Variants in ZBTB2 observed in about 807,000 individuals in gnomAD.
ZBTB2 encodes zinc finger and BTB domain containing 2.
ZBTB2 carries 2 observed loss-of-function variants against 39.5 expected under a neutral mutation model. That is an observed-to-expected ratio of 0.05 (90% CI 0.02 to 0.16). The LOEUF (loss-of-function observed/expected upper bound fraction) is 0.16, where lower values mean the gene tolerates loss of function less well. ZBTB2 is among the 10% of genes least tolerant of loss of function. ZBTB2 has a pLI of 1.00. For synonymous variants in ZBTB2, 251 were observed against 256.6 expected (o/e 0.98, Z 0.21); for missense variants, 391 against 653.0 (o/e 0.60, Z 4.37).
At position 151,385,881 on chromosome 6, in the gene ZBTB2, G is replaced by C. The variant is rs75492694; in HGVS notation, c.-13+5539C>G. ...AAACTGTATTTTGAAGGTAGAAAAT[G>C]CATCTTATTTAGTTGTGATAATGGA... On this transcript the variant is annotated intron_variant, in intron 1 of 2. Transcript: ENST00000325144. Among the ~76,000 whole-genome samples, 386 of 152,220 alleles carry C rather than the reference G, an allele frequency of 2.5e-3. 3 individuals are homozygous for C. The East Asian group carries it at 0.045, about 18-fold the overall frequency.
intron 1 of ZBTB2, among the ~76,000 whole-genome samples, chr6:151,374,059 G>C (rs901011282): frequency 6.6e-6 from 1 of 152,074 alleles, no homozygotes; most frequent in African/African-American, 2.4e-5. Context: ...AATGCAAATG[G>C]AGTCTTTTAG....
intron 1 of ZBTB2, among the ~76,000 whole-genome samples, chr6:151,379,637 GAAAAAAAAAA>G (rs61085296): frequency 1.5e-5 from 1 of 65,902 alleles, no homozygotes; most frequent in South Asian, 5.9e-4. Context: ...GACCCTGTCT[GAAAAAAAAAA>G]AAAAAAAAAA....
chr6:151,377,347 A>G (rs1778934327), intron 1 of ZBTB2, among the ~76,000 whole-genome samples: 1 of 151,766 alleles, frequency 6.6e-6, no homozygotes, highest in African/African-American at 2.4e-5. Flanking sequence ...ATGACTCTGT[A>G]ATGCTCTCAA....
At chr6:151,367,686 A>G (rs1778680665) in intron 2 of ZBTB2, among the ~76,000 whole-genome samples, 1 of 152,248 alleles carries the variant, frequency 6.6e-6, no homozygotes, top group African/African-American at 2.4e-5. Context: ...TCCTTTAGAG[A>G]ATCAAAACAA....
At chr6:151,384,817 C>G (rs1017175523) in intron 1 of ZBTB2, among the ~76,000 whole-genome samples, 3 of 152,178 alleles carry the variant, frequency 2.0e-5, no homozygotes, top group Non-Finnish European at 4.4e-5. Flanking sequence ...GTCCTTAAAT[C>G]ACTACACTGT....
chr6:151,374,859 C>T (rs1468850838), intron 1 of ZBTB2, among the ~76,000 whole-genome samples: 7 of 139,666 alleles, frequency 5.0e-5, no homozygotes, highest in Admixed American at 7.4e-5. Context: ...CCAGCACTTT[C>T]GGAGGTGGGC....
chr6:151,374,097 G>A (rs1368253943), intron 1 of ZBTB2, among the ~76,000 whole-genome samples: 1 of 151,906 alleles, frequency 6.6e-6, no homozygotes, highest in Non-Finnish European at 1.5e-5. Flanking sequence ...AAATTCTAAT[G>A]ATGCATCAGA....
In ZBTB2 at chr6:151,373,154, C is replaced by CAA. The variant is rs58019601; in HGVS notation, c.173+309_173+310dup. Among the ~76,000 whole-genome samples, 128 of 27,856 alleles carry CAA rather than the reference C, an allele frequency of 4.6e-3. 25 individuals carry two copies. Among genetic ancestry groups the CAA allele is most frequent in the East Asian group, 0.011 (9 of 828 alleles). 18.3% of individuals were successfully genotyped at this position (27,856 alleles called of 152,430 possible). A position where few individuals can be genotyped will look rare whatever the true frequency, so the allele number is the denominator to read the frequency against. On this transcript the variant is annotated intron_variant, in intron 2 of 2. Coordinates refer to ENST00000325144, the MANE Select transcript of ZBTB2 (RefSeq NM_020861.3). ...TAGGCGACAGAGAGAGACTCCGTCT[C>CAA]AAAAAAAAAAAAAAAAAAAAAAAAA...
At chr6:151,386,484 T>C (rs1206869054) in intron 1 of ZBTB2, among the ~76,000 whole-genome samples, 1 of 152,212 alleles carries the variant, frequency 6.6e-6, no homozygotes, top group South Asian at 2.1e-4. Flanking sequence ...CTGTGAGCCA[T>C]GGTCATGCCA....
intron 1 of ZBTB2, among the ~76,000 whole-genome samples, chr6:151,390,668 G>T (rs1355999556): frequency 6.6e-6 from 1 of 151,548 alleles, no homozygotes; most frequent in East Asian, 2.0e-4. Context: ...AGGCGGAGCC[G>T]CAGCAGTAGC....
At chr6:151,373,716 C>T in intron 1 of ZBTB2, 67 bp from the exon 2 acceptor site, 5 of 1,441,510 alleles carry the variant, frequency 3.5e-6, no homozygotes, top group Non-Finnish European at 4.7e-6. Flanking sequence ...TTTATAGTCA[C>T]CAACAGTCAT....
In ZBTB2 at chr6:151,370,014, G is replaced by A. The variant is rs907297882; in HGVS notation, c.174-3122C>T. 43 of 751,800 alleles carry A rather than the reference G, an allele frequency of 5.7e-5. No individual in the cohort carries two copies. In the African/African-American group the frequency reaches 8.0e-4, roughly 14 times the overall value. 46.6% of individuals were successfully genotyped at this position (751,800 alleles called of 1,614,324 possible). On this transcript the variant is annotated intron_variant, in intron 2 of 2. Coordinates refer to ENST00000325144, the MANE Select transcript of ZBTB2 (RefSeq NM_020861.3). The stretch of plus-strand genomic sequence containing the variant: ...GACTGCTTTTATTTCCAGGCAGCTT[G>A]ACCTCTGTCAATCACTCAGCTCACT...
intron 1 of ZBTB2, among the ~76,000 whole-genome samples, chr6:151,387,303 G>C (rs1053566305): frequency 6.6e-6 from 1 of 151,896 alleles, no homozygotes; most frequent in Admixed American, 6.6e-5. Flanking sequence ...TCATCTGTTG[G>C]TCATTTGGAA....
Position 151,369,870 on chromosome 6 carries a change from C to T in ZBTB2, c.174-2978G>A, listed in dbSNP as rs186335423. Among the ~76,000 whole-genome samples the T allele has an allele frequency of 6.6e-5, 10 of 152,020 alleles. No individual in the cohort carries two copies. In the East Asian group the frequency reaches 1.9e-3, roughly 30 times the overall value. On this transcript the variant is annotated intron_variant, in intron 2 of 2. Coordinates refer to ENST00000325144, the MANE Select transcript of ZBTB2 (RefSeq NM_020861.3). ...CAGCTGTAACCCCAGCTACTGGGAT[C>T]GCACTCCAGCCTGGGCGACAAGAGC...
At chr6:151,370,068 C>T in intron 2 of ZBTB2, 2 of 972,476 alleles carry the variant, frequency 2.1e-6, no homozygotes, top group Non-Finnish European at 2.4e-6. Flanking sequence ...TTTTCCCAGT[C>T]CTGTGGAAAG....
At chr6:151,389,593 T>C (rs781402571) in intron 1 of ZBTB2, among the ~76,000 whole-genome samples, 7 of 152,154 alleles carry the variant, frequency 4.6e-5, no homozygotes, top group Non-Finnish European at 7.4e-5. Context: ...ATTCTGACCT[T>C]CTTTATGCTT....
intron 1 of ZBTB2, among the ~76,000 whole-genome samples, chr6:151,375,261 C>A (rs1304354884): frequency 6.6e-6 from 1 of 151,928 alleles, no homozygotes; most frequent in African/African-American, 2.4e-5. Context: ...AAGATAATAC[C>A]ATTTAAAATC....
At chr6:151,390,019 T>A (rs1292968158) in intron 1 of ZBTB2, among the ~76,000 whole-genome samples, 1 of 147,322 alleles carries the variant, frequency 6.8e-6, no homozygotes, top group East Asian at 2.0e-4. Context: ...TGGAGTCCGG[T>A]TGGGGCGTGA....
intron 1 of ZBTB2, among the ~76,000 whole-genome samples, chr6:151,377,664 C>T (rs995545071): frequency 3.3e-5 from 5 of 151,520 alleles, no homozygotes; most frequent in African/African-American, 4.9e-5. Flanking sequence ...CTCAGCCTCC[C>T]GAGTAGTTGG....
Sources: allele counts gnomAD v4.1 joint callset (sites outside exome capture counted in the v4.1 genomes callset), GRCh38; gene constraint gnomAD v4.1.1; transcripts MANE v1.5; gene names NCBI Gene and HGNC (gene_info 2026-07-23, HGNC 2026-07-21).